The following OSBPL3 variants were observed in gnomAD, a reference collection of about 807,000 sequenced individuals.
OSBPL3 encodes oxysterol binding protein like 3.
Under a neutral mutation model 120.1 loss-of-function variants are expected in OSBPL3, and 65 were observed. That is an observed-to-expected ratio of 0.54 (90% CI 0.44 to 0.67). The LOEUF (loss-of-function observed/expected upper bound fraction) is 0.67. Among genes scored for constraint, OSBPL3 ranks in the 30% least tolerant of loss-of-function variants. The pLI is 0.00. For synonymous variants in OSBPL3, 416 were observed against 402.6 expected (o/e 1.03, Z -0.40); for missense variants, 1,004 against 1,082.1 (o/e 0.93, Z 1.01).
At position 24,834,673 on chromosome 7, in the gene OSBPL3, C is replaced by A. The variant is rs1473856604; in HGVS notation, c.1559G>T (p.Cys520Phe). Residue 520 changes from cysteine to phenylalanine, a missense_variant, in exon 15 of 23, where the codon TGC becomes TTC. Around this residue, in one of 4 missense-constraint regions of OSBPL3, gnomAD observed 473 missense variants for 568.0 expected, o/e 0.83. Coordinates refer to ENST00000313367, the MANE Select transcript of OSBPL3 (RefSeq NM_015550.4). The surrounding 1 kb of genome is among the most constrained non-coding windows in gnomAD (Gnocchi z 5.2). ...CAGGCTGATGTTACTGCTGCTCGGG[C>A]AGGGCGCCGGCAGGCACGTTCTTCT... Reference protein sequence around the residue: ...SRRRTCLPAPCPSSSNISLWN... With the variant: ...SRRRTCLPAPFPSSSNISLWN... 6.2e-7 allele frequency: 1 copy of A among 1,614,130 alleles called. No individual in the cohort carries two copies. Among genetic ancestry groups the A allele is most frequent in the Non-Finnish European group, 8.5e-7 (1 of 1,180,000 alleles).
chr7:24,931,137 G>A (rs985549350), intron 1 of OSBPL3, among the ~76,000 whole-genome samples: 1 of 152,232 alleles, frequency 6.6e-6, no homozygotes, highest in Middle Eastern at 3.4e-3. Context: ...TCTAAAAGGA[G>A]GTATTCATTG....
intron 1 of OSBPL3, among the ~76,000 whole-genome samples, chr7:24,895,868 A>G (rs998200925): frequency 6.6e-6 from 1 of 152,256 alleles, no homozygotes; most frequent in Admixed American, 6.5e-5. Context: ...AATAACAGGT[A>G]TACTAAAGTG....
intron 16 of OSBPL3, among the ~76,000 whole-genome samples, chr7:24,825,609 A>T (rs368034132): frequency 9.1e-4 from 138 of 152,310 alleles, no homozygotes; most frequent in African/African-American, 3.2e-3. Flanking sequence ...TTACCCTTTG[A>T]GTGTCTTTAA....
intron 12 of OSBPL3, 81 bp from the exon 13 acceptor site, chr7:24,842,494 T>A: frequency 9.7e-7 from 1 of 1,034,572 alleles, no homozygotes; most frequent in Middle Eastern, 2.4e-4. Flanking sequence ...AGTTGTACAA[T>A]ACACAAGGTC....
At chr7:24,842,510 C>A in intron 12 of OSBPL3, 97 bp from the exon 13 acceptor site, 2 of 923,634 alleles carry the variant, frequency 2.2e-6, no homozygotes, top group South Asian at 1.7e-5. Context: ...AGGTCACAGG[C>A]CCATGCAAAT....
At position 24,916,399 on chromosome 7, in the gene OSBPL3, T is replaced by C. The variant is rs73274162; in HGVS notation, c.-149-23778A>G. Among the ~76,000 whole-genome samples, 1,755 of 152,258 alleles carry C rather than the reference T, an allele frequency of 0.012. 33 individuals are homozygous for C. Among genetic ancestry groups the C allele is most frequent in the African/African-American group, 0.04 (1,650 of 41,546 alleles). ...TTGTTATCTTCCGCTTGAGCTTTTTTGGGTAATATTTTACTTTCTCCTTTG... is the reference window on the plus strand; with the variant it reads ...TTGTTATCTTCCGCTTGAGCTTTTTCGGGTAATATTTTACTTTCTCCTTTG... On this transcript the variant is annotated intron_variant, in intron 1 of 22. Transcript: ENST00000313367. This position sits in a 1 kb window ranked among gnomAD's most constrained non-coding sequence, Gnocchi z 4.9.
At position 24,831,829 on chromosome 7, in the gene OSBPL3, T is replaced by C. The variant is rs937554484; in HGVS notation, c.1747-924A>G. ...AGTCACATAACCTTCTGCTAAATTTTTGATGTTGCCTGTAATAGGGACCAC... is the reference window on the plus strand; with the variant it reads ...AGTCACATAACCTTCTGCTAAATTTCTGATGTTGCCTGTAATAGGGACCAC... On this transcript the variant is annotated intron_variant, in intron 15 of 22. Coordinates refer to ENST00000313367, the MANE Select transcript of OSBPL3 (RefSeq NM_015550.4). The surrounding 1 kb of genome is among the most constrained non-coding windows in gnomAD (Gnocchi z 4.0). Among the ~76,000 whole-genome samples the C allele has an allele frequency of 6.6e-6, 1 of 152,242 alleles. No homozygotes were observed. Among genetic ancestry groups the C allele is most frequent in the Non-Finnish European group, 1.5e-5 (1 of 68,040 alleles).
At chr7:24,811,594 A>G (rs543843698) in intron 19 of OSBPL3, among the ~76,000 whole-genome samples, 1 of 152,340 alleles carries the variant, frequency 6.6e-6, no homozygotes, top group South Asian at 2.1e-4. Context: ...AACGTCATGA[A>G]GCTTTTCCCC....
chr7:24,968,925 T>C lies in OSBPL3; in HGVS notation c.-150+10961A>G, dbSNP rs920150651. ...TACTTACTGATGAAAATTAAGTTAC[T>C]TGCAATCTGGTATTTATTCAAATAC... On this transcript the variant is annotated intron_variant, in intron 1 of 22. Coordinates refer to ENST00000313367, the MANE Select transcript of OSBPL3 (RefSeq NM_015550.4). This position sits in a 1 kb window ranked among gnomAD's most constrained non-coding sequence, Gnocchi z 4.6. 1.3e-5 allele frequency among the ~76,000 whole-genome samples: 2 copies of C among 152,326 alleles called. No individual in the cohort carries two copies. Among genetic ancestry groups the C allele is most frequent in the African/African-American group, 2.4e-5 (1 of 41,566 alleles).
Position 24,797,736 on chromosome 7 carries a change from A to G in OSBPL3, c.*2447T>C, listed in dbSNP as rs903532373. 1.3e-5 allele frequency: 2 copies of G among 148,578 alleles called. No individual in the cohort carries two copies. The highest frequency in any genetic ancestry group is 1.9e-4 in the East Asian group (1 of 5,134). The allele number at this position is 148,578 out of a possible 1,614,324, so 9.2% of individuals were successfully genotyped here. A position where few individuals can be genotyped will look rare whatever the true frequency, so the allele number is the denominator to read the frequency against. ...CAGAAATTTTGGATGGAATAATTAG[A>G]AAAAAAAAAGAGGTTAAAACATGTA... On this transcript the variant is annotated 3_prime_UTR_variant, in exon 23 of 23. Coordinates refer to ENST00000313367, the MANE Select transcript of OSBPL3 (RefSeq NM_015550.4). This position sits in a 1 kb window ranked among gnomAD's most constrained non-coding sequence, Gnocchi z 4.8.
chr7:24,947,594 C>T lies in OSBPL3; in HGVS notation c.-150+32292G>A, dbSNP rs773523081. On this transcript the variant is annotated intron_variant, in intron 1 of 22. Transcript: ENST00000313367. The surrounding 1 kb of genome is among the most constrained non-coding windows in gnomAD (Gnocchi z 4.4). ...ATTTAATCCCTAACCATACCAACAA[C>T]TTATCTATATGGGTAAGAAGGAAGC... is the stretch of plus-strand genomic sequence containing the variant. Among the ~76,000 whole-genome samples the T allele has an allele frequency of 6.6e-6, 1 of 152,146 alleles. No individual in the cohort carries two copies. Among genetic ancestry groups the T allele is most frequent in the Non-Finnish European group, 1.5e-5 (1 of 68,032 alleles).
intron 2 of OSBPL3, among the ~76,000 whole-genome samples, chr7:24,884,636 G>T (rs539188353): frequency 6.6e-6 from 1 of 152,144 alleles, no homozygotes; most frequent in East Asian, 1.9e-4. Flanking sequence ...CACAAAAGGC[G>T]AATGTTTATT....
rs953074920 is a variant in OSBPL3 at position 24,822,751 on chromosome 7, T to C, written c.1885-2513A>G. On this transcript the variant is annotated intron_variant, in intron 16 of 22. Coordinates refer to ENST00000313367, the MANE Select transcript of OSBPL3 (RefSeq NM_015550.4). This position sits in a 1 kb window ranked among gnomAD's most constrained non-coding sequence, Gnocchi z 5.8. ...TTAAACCCCATAAAACAGGGATAAA[T>C]ATACATCCATATGAATTACAAGAGA... is the stretch of plus-strand genomic sequence containing the variant. 3.3e-5 allele frequency among the ~76,000 whole-genome samples: 5 copies of C among 152,184 alleles called. No homozygotes were observed. Among genetic ancestry groups the C allele is most frequent in the African/African-American group, 1.2e-4 (5 of 41,448 alleles).
In OSBPL3 at chr7:24,864,208, C is replaced by T. The variant is rs574152620; in HGVS notation, c.674-609G>A. Among the ~76,000 whole-genome samples the T allele has an allele frequency of 2.3e-4, 35 of 152,298 alleles. 1 individual carries two copies. Among genetic ancestry groups the T allele is most frequent in the Admixed American group, 6.5e-4 (10 of 15,296 alleles). On this transcript the variant is annotated intron_variant, in intron 7 of 22. Transcript: ENST00000313367. ...GAGGACTCTCCAACCAGATCCCAGT[C>T]GCTAACTCAAAAGATAGTCCATATT...
rs116600847 is a variant in OSBPL3 at position 24,841,365 on chromosome 7, A to G, written c.1402-582T>C. On this transcript the variant is annotated intron_variant, in intron 13 of 22. Coordinates refer to ENST00000313367, the MANE Select transcript of OSBPL3 (RefSeq NM_015550.4). Reference sequence around the variant, plus strand: ...ATTCCATGATTAAAAAATATACGGGATGCTAATTTCCTTCTCTATAGTAGA... The same window carrying G: ...ATTCCATGATTAAAAAATATACGGGGTGCTAATTTCCTTCTCTATAGTAGA... 8.3e-3 allele frequency among the ~76,000 whole-genome samples: 1,254 copies of G among 151,846 alleles called. 21 individuals carry two copies. The highest frequency in any genetic ancestry group is 0.029 in the African/African-American group (1,196 of 41,476).
At chr7:24,825,518 T>C (rs1271040428) in intron 16 of OSBPL3, among the ~76,000 whole-genome samples, 4 of 152,228 alleles carry the variant, frequency 2.6e-5, no homozygotes, top group Non-Finnish European at 5.9e-5. Flanking sequence ...TGACTTGACC[T>C]AGAAATGGAG....
chr7:24,939,610 C>A lies in OSBPL3; in HGVS notation c.-150+40276G>T. 6.6e-6 allele frequency among the ~76,000 whole-genome samples: 1 copy of A among 152,194 alleles called. No individual in the cohort carries two copies. ...ACAGTCAACCCACTGAATTAAGCAA[C>A]TCTGGAACTTCCCTAATTTTAGACT... On this transcript the variant is annotated intron_variant, in intron 1 of 22. Transcript: ENST00000313367. This position sits in a 1 kb window ranked among gnomAD's most constrained non-coding sequence, Gnocchi z 4.2.
chr7:24,856,686 C>G (rs1489156092), intron 10 of OSBPL3, among the ~76,000 whole-genome samples: 3 of 152,130 alleles, frequency 2.0e-5, no homozygotes, highest in African/African-American at 7.2e-5. Context: ...ATGGGCACAT[C>G]TGAGGAGCGC....
Position 24,940,738 on chromosome 7 carries a change from T to G in OSBPL3, c.-150+39148A>C, listed in dbSNP as rs116034922. On this transcript the variant is annotated intron_variant, in intron 1 of 22. Coordinates refer to ENST00000313367, the MANE Select transcript of OSBPL3 (RefSeq NM_015550.4). The surrounding 1 kb of genome is among the most constrained non-coding windows in gnomAD (Gnocchi z 4.4). The stretch of plus-strand genomic sequence containing the variant: ...CAGAGGATAACAACAGGCCAGGAAC[T>G]CTAAGGCAAACAGGAGACAGCTACA... Among the ~76,000 whole-genome samples, 707 of 151,966 alleles carry G rather than the reference T, an allele frequency of 4.7e-3. 8 individuals are homozygous for G. Among genetic ancestry groups the G allele is most frequent in the African/African-American group, 0.017 (684 of 41,432 alleles).
Sources: allele counts gnomAD v4.1 joint callset (sites outside exome capture counted in the v4.1 genomes callset), GRCh38; gene constraint gnomAD v4.1.1; regional missense constraint gnomAD v4.1.1; non-coding constraint Gnocchi (gnomAD v3.1); transcripts MANE v1.5; gene names NCBI Gene and HGNC (gene_info 2026-07-23, HGNC 2026-07-21).